Variants in ZNF66 observed in about 807,000 individuals in gnomAD.
The protein encoded by ZNF66 is putative zinc finger protein 66.
Under a neutral mutation model 35.2 loss-of-function variants are expected in ZNF66, and 32 were observed. The ratio of observed to expected loss-of-function variants is 0.91; its 90% CI spans 0.69 to 1.22. ZNF66 has a LOEUF of 1.22. ZNF66 is among the 50% of genes most tolerant of loss of function. The probability of loss-of-function intolerance (pLI) is 0.00; values close to 1 mark genes in which losing one functional copy is unlikely to be tolerated. For synonymous variants in ZNF66, 231 were observed against 181.3 expected (o/e 1.27, Z -2.20); for missense variants, 666 against 543.1 (o/e 1.23, Z -2.25).
At chr19:20,777,118 A>G (rs1400249693) in intron 1 of ZNF66, among the ~76,000 whole-genome samples, 17 of 148,862 alleles carry the variant, frequency 1.1e-4, no homozygotes, top group African/African-American at 3.9e-4. Context: ...CTTGTCTAAA[A>G]AAAAAAAAAA....
At chr19:20,788,613 C>T (rs1401545949) in intron 1 of ZNF66, among the ~76,000 whole-genome samples, 1 of 151,902 alleles carries the variant, frequency 6.6e-6, no homozygotes, top group Non-Finnish European at 1.5e-5. Flanking sequence ...CCATCTTGGT[C>T]AGACTGGTCT....
intron 1 of ZNF66, among the ~76,000 whole-genome samples, chr19:20,787,301 T>C (rs1163989590): frequency 2.0e-5 from 3 of 152,174 alleles, no homozygotes; most frequent in African/African-American, 7.2e-5. Context: ...TGTCTACTTA[T>C]GTTCATGTTG....
At chr19:20,805,124 T>TGAGA (rs796709892) in intron 3 of ZNF66, among the ~76,000 whole-genome samples, 82 of 144,544 alleles carry the variant, frequency 5.7e-4, no homozygotes, top group East Asian at 1.2e-3. Flanking sequence ...TGTGTGTGTG[T>TGAGA]GTGAGAGAGA....
intron 3 of ZNF66, among the ~76,000 whole-genome samples, chr19:20,796,274 A>T (rs1307698701): frequency 6.6e-6 from 1 of 151,830 alleles, no homozygotes; most frequent in East Asian, 1.9e-4. Flanking sequence ...TAATCTTTTC[A>T]TCTTACTGAT....
At chr19:20,789,968 CAAGAGTGCT>C (rs1971320975) in intron 1 of ZNF66, among the ~76,000 whole-genome samples, 2 of 152,142 alleles carry the variant, frequency 1.3e-5, no homozygotes, top group Non-Finnish European at 2.9e-5. Context: ...TTGGTTGTGA[CAAGAGTGCT>C]AAGTGTAAGG....
chr19:20,795,926 C>T (rs1397553969), intron 3 of ZNF66, among the ~76,000 whole-genome samples: 3 of 152,194 alleles, frequency 2.0e-5, no homozygotes, highest in Non-Finnish European at 4.4e-5. Context: ...CCTATCTGGT[C>T]TGTAGCCATG....
chr19:20,798,248 A>T (rs1971413934), intron 3 of ZNF66, among the ~76,000 whole-genome samples: 1 of 152,100 alleles, frequency 6.6e-6, no homozygotes, highest in Non-Finnish European at 1.5e-5. Flanking sequence ...TTTCTTTAAA[A>T]AAATTGTTTT....
chr19:20,807,761 G>A lies in ZNF66; in HGVS notation c.*439G>A, dbSNP rs549602005. 2.6e-5 allele frequency among the ~76,000 whole-genome samples: 4 copies of A among 152,160 alleles called. No individual in the cohort carries two copies. The highest frequency in any genetic ancestry group is 7.2e-5 in the African/African-American group (3 of 41,530). On this transcript the variant is annotated 3_prime_UTR_variant, in exon 4 of 4. Transcript: ENST00000344519. Reference sequence around the variant, plus strand: ...AGATGGCTGAATAGGTACAGCTCCTGTCTACAGCTCCCAGCCTGAGCGACG... The same window carrying A: ...AGATGGCTGAATAGGTACAGCTCCTATCTACAGCTCCCAGCCTGAGCGACG...
chr19:20,791,381 A>G (rs1160670682), intron 1 of ZNF66, among the ~76,000 whole-genome samples: 1 of 149,778 alleles, frequency 6.7e-6, no homozygotes, highest in Non-Finnish European at 1.5e-5. Flanking sequence ...GCTACTTGGG[A>G]GGCTGAGGGA....
chr19:20,807,368 GAA>G lies in ZNF66; in HGVS notation c.*48_*49del. 1.7e-6 allele frequency: 1 copy of G among 578,564 alleles called. No individual in the cohort carries two copies. The highest frequency in any genetic ancestry group is 3.1e-6 in the Non-Finnish European group (1 of 322,840). The allele number at this position is 578,564 out of a possible 1,614,324, so 35.8% of individuals were successfully genotyped here. A position where few individuals can be genotyped will look rare whatever the true frequency, so the allele number is the denominator to read the frequency against. On this transcript the variant is annotated 3_prime_UTR_variant, in exon 4 of 4. Transcript: ENST00000344519. ...GACATAAGATAATTCATACTGGAGAGAAACCCTATGAGTTTGATGAATGTGGG... is the reference window on the plus strand; with the variant it reads ...GACATAAGATAATTCATACTGGAGAGACCCTATGAGTTTGATGAATGTGGG...
In ZNF66 at chr19:20,808,830, A is replaced by T. The variant is rs1275723103; in HGVS notation, c.*1508A>T. Among the ~76,000 whole-genome samples the T allele has an allele frequency of 6.6e-6, 1 of 152,198 alleles. No homozygotes were observed. Among genetic ancestry groups the T allele is most frequent in the East Asian group, 1.9e-4 (1 of 5,196 alleles). On this transcript the variant is annotated 3_prime_UTR_variant, in exon 4 of 4. Transcript: ENST00000344519. Reference sequence around the variant, plus strand: ...GAACACAGTTCCCCACCAGCAACAGAACAAAGCTGGATGGAGAATGACTTT... The same window carrying T: ...GAACACAGTTCCCCACCAGCAACAGTACAAAGCTGGATGGAGAATGACTTT...
At chr19:20,782,744 GTT>G (rs1254781760) in intron 1 of ZNF66, among the ~76,000 whole-genome samples, 1 of 152,112 alleles carries the variant, frequency 6.6e-6, no homozygotes. Flanking sequence ...ACTTGTATAA[GTT>G]TTTAATAAAT....
At chr19:20,800,366 G>C (rs1454892558) in intron 3 of ZNF66, among the ~76,000 whole-genome samples, 2 of 152,174 alleles carry the variant, frequency 1.3e-5, no homozygotes, top group Non-Finnish European at 2.9e-5. Context: ...ATGCAAATAA[G>C]AATATTGTGT....
chr19:20,802,604 C>G (rs1971458940), intron 3 of ZNF66, among the ~76,000 whole-genome samples: 1 of 152,098 alleles, frequency 6.6e-6, no homozygotes, highest in Non-Finnish European at 1.5e-5. Flanking sequence ...TTTGGCCTAA[C>G]TTGTGGTCTA....
At chr19:20,795,572 G>A (rs1004278761) in intron 3 of ZNF66, among the ~76,000 whole-genome samples, 1 of 151,850 alleles carries the variant, frequency 6.6e-6, no homozygotes, top group Non-Finnish European at 1.5e-5. Context: ...TCTCCATGTT[G>A]GTCAGGCTGG....
rs554510689 is a variant in ZNF66, at chr19:20,783,082, T to C, written c.3+6632T>C. ...TCTTCTACATAGTGCTAGGTAGTTA[T>C]TTTAGCACCATTTGTTAAATAGAGA... is the stretch of plus-strand genomic sequence containing the variant. On this transcript the variant is annotated intron_variant, in intron 1 of 3. Transcript: ENST00000344519. Among the ~76,000 whole-genome samples, 5 of 152,252 alleles carry C rather than the reference T, an allele frequency of 3.3e-5. No homozygotes were observed. In the South Asian group the frequency reaches 8.3e-4, roughly 25 times the overall value.
chr19:20,788,693 ACGCCTGGC>A (rs1194763952), intron 1 of ZNF66, among the ~76,000 whole-genome samples: 1 of 152,020 alleles, frequency 6.6e-6, no homozygotes, highest in East Asian at 1.9e-4. Context: ...GTGAGCCACC[ACGCCTGGC>A]CATATAATTT....
chr19:20,799,444 C>G (rs1297974950), intron 3 of ZNF66: 1 of 149,648 alleles, frequency 6.7e-6, no homozygotes, highest in Non-Finnish European at 1.5e-5. Context: ...TTGTTTTCCA[C>G]CAGCAATCAA....
intron 3 of ZNF66, among the ~76,000 whole-genome samples, chr19:20,805,105 A>G (rs452928): frequency 0.27 from 40,225 of 150,824 alleles, 5,817 homozygotes; most frequent in African/African-American, 0.37. Flanking sequence ...GGCAATTTAC[A>G]TTTGTGTGTG....
Sources: allele counts gnomAD v4.1 joint callset (sites outside exome capture counted in the v4.1 genomes callset), GRCh38; gene constraint gnomAD v4.1.1; transcripts MANE v1.5; gene names NCBI Gene and HGNC (gene_info 2026-07-23, HGNC 2026-07-21).